Variants in FOXP2 observed in about 807,000 individuals in gnomAD.
FOXP2 encodes forkhead box P2.
A neutral mutation model predicts 115.8 loss-of-function variants in FOXP2; 12 were observed. That is an observed-to-expected ratio of 0.10 (90% CI 0.07 to 0.17). FOXP2 has a LOEUF of 0.17. Ranked by LOEUF, FOXP2 falls within the 10% of genes least tolerant of loss-of-function variation. The pLI is 1.00. For synonymous variants in FOXP2, 328 were observed against 297.7 expected, an observed-to-expected ratio of 1.10 and a Z score of -1.05; for missense variants, 629 against 843.5, an observed-to-expected ratio of 0.75 and a Z score of 3.15.
chr7:114,319,078 T>C (rs763125055), intron 2 of FOXP2, among the ~76,000 whole-genome samples: 8 of 150,744 alleles, frequency 5.3e-5, no homozygotes, highest in Non-Finnish European at 1.2e-4. Flanking sequence ...AGCAGAACAT[T>C]AGTGTTTAGT....
chr7:114,237,979 A>G (rs1378480179), intron 1 of FOXP2, among the ~76,000 whole-genome samples: 2 of 152,132 alleles, frequency 1.3e-5, no homozygotes, highest in Non-Finnish European at 2.9e-5. Flanking sequence ...CTGCATCTCA[A>G]ACAAACAAAC....
In FOXP2 at chr7:114,381,269, G is replaced by C. The variant is rs541787188; in HGVS notation, c.-10-45233G>C. 2.6e-5 allele frequency among the ~76,000 whole-genome samples: 4 copies of C among 152,284 alleles called. No homozygotes were observed. The East Asian group carries it at 7.7e-4, about 29-fold the overall frequency. ...ATTTTAGCGCTAAGTATTTAACCTG[G>C]TATGAGCAGAGCTGAGCCTTTGGTT... is the stretch of plus-strand genomic sequence containing the variant. On this transcript the variant is annotated intron_variant, in intron 2 of 17. Transcript: ENST00000634411.
chr7:114,354,802 G>A (rs535777376), intron 2 of FOXP2, among the ~76,000 whole-genome samples: 152 of 152,152 alleles, frequency 1.0e-3, no homozygotes, highest in African/African-American at 3.3e-3. Context: ...TGTGAAAAAA[G>A]GTTCAAGTGA....
intron 2 of FOXP2, among the ~76,000 whole-genome samples, chr7:114,404,182 A>G (rs1177921939): frequency 6.6e-6 from 1 of 152,118 alleles, no homozygotes; most frequent in Non-Finnish European, 1.5e-5. Context: ...TCAATATCAA[A>G]TAATTATGAC....
chr7:114,473,724 G>C (rs990960484), intron 2 of FOXP2, among the ~76,000 whole-genome samples: 1 of 152,104 alleles, frequency 6.6e-6, no homozygotes, highest in South Asian at 2.1e-4. Flanking sequence ...TGTGATAGAT[G>C]CTGCCAAGTT....
chr7:114,680,744 TAAA>T (rs773843932), intron 16 of FOXP2, among the ~76,000 whole-genome samples: 3 of 119,102 alleles, frequency 2.5e-5, no homozygotes, highest in Non-Finnish European at 1.8e-5. Flanking sequence ...AGACTCCATC[TAAA>T]AAAAAAAAAA....
intron 2 of FOXP2, among the ~76,000 whole-genome samples, chr7:114,519,146 A>G (rs1016252522): frequency 2.0e-5 from 3 of 152,198 alleles, no homozygotes; most frequent in African/African-American, 7.2e-5. Context: ...TGGCATAGCT[A>G]AGATCTTTAA....
chr7:114,360,067 G>T (rs971371219), intron 2 of FOXP2, among the ~76,000 whole-genome samples: 1 of 152,114 alleles, frequency 6.6e-6, no homozygotes, highest in Non-Finnish European at 1.5e-5. Context: ...TCATGGGAGG[G>T]ATGCGGTGGG....
At chr7:114,634,054 A>G (rs74765653) in intron 6 of FOXP2, among the ~76,000 whole-genome samples, 2,423 of 151,710 alleles carry the variant, frequency 0.016, 53 homozygotes, top group African/African-American at 0.055. Flanking sequence ...GAGTGCAGTG[A>G]CGCTAACTTA....
chr7:114,556,793 A>G (rs560014215), intron 3 of FOXP2, among the ~76,000 whole-genome samples: 4 of 152,328 alleles, frequency 2.6e-5, no homozygotes, highest in Non-Finnish European at 5.9e-5. Flanking sequence ...AATGCACTTC[A>G]GAATTATTTT....
At chr7:114,097,305 G>A (rs1205016283) in intron 1 of FOXP2, among the ~76,000 whole-genome samples, 2 of 152,072 alleles carry the variant, frequency 1.3e-5, no homozygotes, top group East Asian at 1.9e-4. Context: ...CCACCATCTA[G>A]TTCCTGGTAA....
At chr7:114,588,386 A>G (rs2129306265) in intron 3 of FOXP2, among the ~76,000 whole-genome samples, 2 of 152,278 alleles carry the variant, frequency 1.3e-5, no homozygotes, top group South Asian at 2.1e-4. Flanking sequence ...TGCATGTTTA[A>G]AAGTATATAT....
chr7:114,390,072 G>T (rs570596279), intron 2 of FOXP2, among the ~76,000 whole-genome samples: 8 of 148,154 alleles, frequency 5.4e-5, no homozygotes, highest in East Asian at 2.0e-4. Flanking sequence ...AAAGATTAGT[G>T]ACAGTGAAAG....
intron 2 of FOXP2, chr7:114,463,077 G>C (rs1165075749): frequency 2.3e-6 from 1 of 430,804 alleles, no homozygotes; most frequent in African/African-American, 2.1e-5. Flanking sequence ...TTCCCAGGCT[G>C]GAGTGCAGTG....
intron 2 of FOXP2, among the ~76,000 whole-genome samples, chr7:114,360,299 T>C (rs1791716704): frequency 6.6e-6 from 1 of 152,154 alleles, no homozygotes; most frequent in Non-Finnish European, 1.5e-5. Flanking sequence ...TTTTTCTTTA[T>C]AGATTACCCA....
intron 1 of FOXP2, among the ~76,000 whole-genome samples, chr7:114,106,263 T>G (rs1276051341): frequency 6.6e-6 from 1 of 152,040 alleles, no homozygotes; most frequent in Admixed American, 6.6e-5. Flanking sequence ...ACCATATTTG[T>G]AAACATCCAA....
chr7:114,290,484 TA>T (rs774558072), intron 2 of FOXP2, among the ~76,000 whole-genome samples: 17 of 152,180 alleles, frequency 1.1e-4, no homozygotes, highest in African/African-American at 4.1e-4. Flanking sequence ...TTCATATATT[TA>T]TAGAAAATTG....
At position 114,415,330 on chromosome 7, in the gene FOXP2, C is replaced by T. The variant is rs568575791; in HGVS notation, c.-41C>T. 4.8e-4 allele frequency: 218 copies of T among 452,324 alleles called. No individual in the cohort carries two copies. The highest frequency in any genetic ancestry group is 7.6e-4 in the Non-Finnish European group (173 of 226,328). The allele number at this position is 452,324 out of a possible 1,614,324, so 28.0% of individuals were successfully genotyped here. ...TAACAAACTCCTATGAAGTTGAAAC[C>T]GGGAAGTTTGCTCTAACATTTCCAG... On this transcript the variant is annotated 5_prime_UTR_variant, in exon 1 of 17. Coordinates refer to ENST00000350908, the MANE Select transcript of FOXP2 (RefSeq NM_014491.4).
At chr7:114,536,411 T>C (rs1012857559) in intron 3 of FOXP2, among the ~76,000 whole-genome samples, 2 of 148,252 alleles carry the variant, frequency 1.3e-5, no homozygotes, top group African/African-American at 4.9e-5. Flanking sequence ...TTTTTTTTTT[T>C]TTTTTTTGTT....
Sources: gnomAD v4.1 joint callset for allele counts (sites outside exome capture counted in the v4.1 genomes callset) on GRCh38, gnomAD v4.1.1 for gene constraint, MANE v1.5 for transcripts, NCBI Gene and HGNC (gene_info 2026-07-23, HGNC 2026-07-21) for gene names.